The following DZIP3 variants were observed in gnomAD, a reference collection of about 807,000 sequenced individuals.
DZIP3 encodes E3 ubiquitin-protein ligase DZIP3.
Under a neutral mutation model 162.0 loss-of-function variants are expected in DZIP3, and 118 were observed. That is an observed-to-expected ratio of 0.73 (90% CI 0.63 to 0.85). The LOEUF (loss-of-function observed/expected upper bound fraction) is 0.85. Ranked by LOEUF, DZIP3 falls within the 40% of genes least tolerant of loss-of-function variation. The probability of loss-of-function intolerance (pLI) is 0.00; values close to 1 mark genes in which losing one functional copy is unlikely to be tolerated. For synonymous variants in DZIP3, 438 were observed against 458.6 expected (o/e 0.96, Z 0.57); for missense variants, 1,331 against 1,407.0 (o/e 0.95, Z 0.86).
chr3:108,605,641 A>T (rs1171780949), intron 2 of DZIP3, among the ~76,000 whole-genome samples: 2 of 152,136 alleles, frequency 1.3e-5, no homozygotes, highest in Admixed American at 1.3e-4. Flanking sequence ...CTCCTATGAG[A>T]ATCTAATGCT....
In DZIP3 at chr3:108,629,779, C is replaced by T. The variant is rs145156792; in HGVS notation, c.696+603C>T. On this transcript the variant is annotated intron_variant, in intron 8 of 32. Coordinates refer to ENST00000361582, the MANE Select transcript of DZIP3 (RefSeq NM_014648.4). Reference sequence around the variant, plus strand: ...TGCGATTTTGCCATATTATACAATGCGATTTTGGCATAATGCGATTTGGCA... The same window carrying T: ...TGCGATTTTGCCATATTATACAATGTGATTTTGGCATAATGCGATTTGGCA... Among the ~76,000 whole-genome samples the T allele has an allele frequency of 1.8e-3, 272 of 150,690 alleles. 2 individuals are homozygous for T. Among genetic ancestry groups the T allele is most frequent in the Middle Eastern group, 0.014 (4 of 292 alleles).
Position 108,633,256 on chromosome 3 carries a change from C to T in DZIP3, c.816+184C>T, listed in dbSNP as rs754190216. Among the ~76,000 whole-genome samples the T allele has an allele frequency of 9.9e-5, 15 of 151,798 alleles. 1 individual carries two copies. In the South Asian group the frequency reaches 1.2e-3, roughly 13 times the overall value. ...AACTTAGATTCAGAGTGATCAGGAA[C>T]TATTTATATTCTGTGAGTCAATAAA... On this transcript the variant is annotated intron_variant, in intron 9 of 32. Coordinates refer to ENST00000361582, the MANE Select transcript of DZIP3 (RefSeq NM_014648.4).
At position 108,686,791 on chromosome 3, in the gene DZIP3, C is replaced by T. The variant is rs556263422; in HGVS notation, c.3149+207C>T. ...ACCTCTTCATTAAAAAGTTACTTGT[C>T]TTAAATCATGAGAGAATAACTTTAA... On this transcript the variant is annotated intron_variant, in intron 28 of 32. Transcript: ENST00000361582. Among the ~76,000 whole-genome samples, 406 of 152,202 alleles carry T rather than the reference C, an allele frequency of 2.7e-3. 7 individuals are homozygous for T. Among genetic ancestry groups the T allele is most frequent in the Non-Finnish European group, 3.0e-3 (204 of 67,994 alleles).
intron 1 of DZIP3, among the ~76,000 whole-genome samples, chr3:108,590,302 A>T (rs1939314979): frequency 6.6e-6 from 1 of 152,228 alleles, no homozygotes; most frequent in Non-Finnish European, 1.5e-5. Context: ...AAAAACCAGG[A>T]TGTAGAAATT....
Position 108,688,718 on chromosome 3 carries a change from G to C in DZIP3, c.3396G>C (p.Trp1132Cys), listed in dbSNP as rs1466853476. 6.2e-7 allele frequency: 1 copy of C among 1,613,890 alleles called. No homozygotes were observed. The highest frequency in any genetic ancestry group is 8.5e-7 in the Non-Finnish European group (1 of 1,179,982). Residue 1132 changes from tryptophan to cysteine, a missense_variant, in exon 30 of 33, where the codon TGG becomes TGC. Transcript: ENST00000361582. ...TCACTTCACAGGGTCCTGCCACATG[G>C]GAAGGAGCCAGTAATCCAGTGAGAC... Reference protein sequence around the residue: ...RPLTSQGPATWEGASNPDEEE... With the variant: ...RPLTSQGPATCEGASNPDEEE...
chr3:108,662,978 T>A (rs1943508419), intron 21 of DZIP3, among the ~76,000 whole-genome samples: 2 of 152,314 alleles, frequency 1.3e-5, no homozygotes, highest in Admixed American at 6.5e-5. Context: ...ATAGGGAGAA[T>A]AGAAAAGTGC....
intron 26 of DZIP3, among the ~76,000 whole-genome samples, chr3:108,681,817 A>G (rs1451603748): frequency 6.7e-6 from 1 of 148,476 alleles, no homozygotes; most frequent in Non-Finnish European, 1.5e-5. Context: ...ACTCTCAGCA[A>G]ACTAACACAG....
At chr3:108,614,697 A>T (rs1940906900) in intron 4 of DZIP3, among the ~76,000 whole-genome samples, 1 of 152,080 alleles carries the variant, frequency 6.6e-6, no homozygotes, top group Non-Finnish European at 1.5e-5. Flanking sequence ...ATATTCCCCC[A>T]TCACCCCAGA....
chr3:108,683,211 AATC>A (rs1944381909), intron 26 of DZIP3, among the ~76,000 whole-genome samples: 1 of 150,814 alleles, frequency 6.6e-6, no homozygotes, highest in Non-Finnish European at 1.5e-5. Context: ...TACTGGATAT[AATC>A]ATAACACCAT....
chr3:108,667,801 A>G (rs1943745104), intron 21 of DZIP3, among the ~76,000 whole-genome samples: 2 of 152,136 alleles, frequency 1.3e-5, no homozygotes, highest in South Asian at 4.1e-4. Flanking sequence ...GGTAGAGAGA[A>G]TATTTTTTTG....
rs1391356610 is a variant in DZIP3, at chr3:108,625,975, G to A, written c.581+6G>A. 1 of 1,610,932 alleles carries A rather than the reference G, an allele frequency of 6.2e-7. No individual in the cohort carries two copies. Among genetic ancestry groups the A allele is most frequent in the Non-Finnish European group, 8.5e-7 (1 of 1,178,910 alleles). On this transcript the variant is annotated splice_donor_region_variant and intron_variant, in intron 7 of 32. Transcript: ENST00000361582. ...CTGCGATGTGCTCAAAAGAGGTAAG[G>A]ATTTTAATTAACGGGTAGATGTTGC... is the stretch of plus-strand genomic sequence containing the variant.
intron 5 of DZIP3, among the ~76,000 whole-genome samples, chr3:108,620,341 G>A (rs1237741994): frequency 6.6e-6 from 1 of 152,186 alleles, no homozygotes; most frequent in Non-Finnish European, 1.5e-5. Flanking sequence ...ATAAATCATA[G>A]TGTTTGCACA....
chr3:108,662,109 A>G, intron 20 of DZIP3, 21 bp from the exon 21 acceptor site: 2 of 1,578,912 alleles, frequency 1.3e-6, no homozygotes, highest in Non-Finnish European at 1.7e-6. Flanking sequence ...ATTATCTGAA[A>G]TAATATTTTT....
rs758785436 is a variant in DZIP3, at chr3:108,687,974, A to G, written c.3150-2A>G. 3 of 1,613,376 alleles carry G rather than the reference A, an allele frequency of 1.9e-6. No individual in the cohort carries two copies. In the African/African-American group the frequency reaches 4.0e-5, roughly 22 times the overall value. On this transcript the variant is annotated splice_acceptor_variant, in intron 28 of 32. Coordinates refer to ENST00000361582, the MANE Select transcript of DZIP3 (RefSeq NM_014648.4). LOFTEE classifies it high-confidence loss of function. The stretch of plus-strand genomic sequence containing the variant: ...CCCTTTCCTTTCCTTGATCTCTTGC[A>G]GAAAGGAACTTACAGATTTCTTACG...
intron 14 of DZIP3, among the ~76,000 whole-genome samples, chr3:108,645,103 A>G (rs1047779704): frequency 1.3e-5 from 2 of 152,204 alleles, no homozygotes; most frequent in South Asian, 2.1e-4. Context: ...AAACATAAAA[A>G]TATACTGCAG....
chr3:108,616,424 G>C, intron 4 of DZIP3, 117 bp from the exon 5 acceptor site: 1 of 633,064 alleles, frequency 1.6e-6, no homozygotes, highest in South Asian at 2.6e-5. Flanking sequence ...TTTTTAAACC[G>C]TCTTTATCTC....
chr3:108,605,396 C>G lies in DZIP3; in HGVS notation c.-11C>G. The G allele has an allele frequency of 6.2e-7, 1 of 1,613,236 alleles. No individual in the cohort carries two copies. The highest frequency in any genetic ancestry group is 8.5e-7 in the Non-Finnish European group (1 of 1,179,616). ...GTGGAATAAGATTTTTGTAAAGAAA[C>G]CTTGTGCAGCATGGATTCTCTACCA... On this transcript the variant is annotated 5_prime_UTR_variant, in exon 2 of 33. Coordinates refer to ENST00000361582, the MANE Select transcript of DZIP3 (RefSeq NM_014648.4).
At chr3:108,653,408 T>G (rs1256406679) in intron 18 of DZIP3, among the ~76,000 whole-genome samples, 1 of 150,336 alleles carries the variant, frequency 6.7e-6, no homozygotes, top group Non-Finnish European at 1.5e-5. Context: ...GGAAGGAAAT[T>G]TAGAGCTACT....
In DZIP3 at chr3:108,682,358, G is replaced by A. The variant is rs1327574327; in HGVS notation, c.2884-1858G>A. Among the ~76,000 whole-genome samples the A allele has an allele frequency of 4.0e-5, 6 of 150,984 alleles. 2 individuals are homozygous for A. Among genetic ancestry groups the A allele is most frequent in the African/African-American group, 1.5e-4 (6 of 40,348 alleles). On this transcript the variant is annotated intron_variant, in intron 26 of 32. Transcript: ENST00000361582. ...CTGCAGTATTATTTACCATTGCTAA[G>A]ATATGTCATCTACATAAGTGTCCAT... is the stretch of plus-strand genomic sequence containing the variant.
Sources: gnomAD v4.1 joint callset for allele counts (sites outside exome capture counted in the v4.1 genomes callset) on GRCh38, gnomAD v4.1.1 for gene constraint, MANE v1.5 for transcripts, NCBI Gene and HGNC (gene_info 2026-07-23, HGNC 2026-07-21) for gene names.